The following COL3A1 variants were observed in gnomAD, a reference collection of about 807,000 sequenced individuals.
COL3A1 encodes the protein collagen alpha-1(III) chain.
Under a neutral mutation model 200.9 loss-of-function variants are expected in COL3A1, and 46 were observed. The ratio of observed to expected loss-of-function variants is 0.23; its 90% CI spans 0.18 to 0.29. COL3A1 has a LOEUF of 0.29. Among genes scored for constraint, COL3A1 ranks in the 10% least tolerant of loss-of-function variants. The pLI is 1.00. For synonymous variants in COL3A1, 650 were observed against 628.0 expected (o/e 1.03, Z -0.52); for missense variants, 1,367 against 1,917.6 (o/e 0.71, Z 5.36).
intron 12 of COL3A1, 43 bp from the exon 13 acceptor site, chr2:188,991,626 T>C (rs771704160): frequency 1.9e-6 from 3 of 1,611,772 alleles, no homozygotes; most frequent in Non-Finnish European, 2.5e-6. Context: ...TTCTTACACA[T>C]GTCAAGATTA....
In COL3A1 at chr2:189,001,598, TA is replaced by T; in HGVS notation, c.2391+12del. On this transcript the variant is annotated intron_variant, in intron 34 of 50. Transcript: ENST00000304636. ...GACCTCGTGGTAGCCCTGTAAGTGT[TA>T]AAGACATTCTCAACATACTTTTTAA... 6.2e-7 allele frequency: 1 copy of T among 1,611,558 alleles called. No individual in the cohort carries two copies. The highest frequency in any genetic ancestry group is 8.5e-7 in the Non-Finnish European group (1 of 1,179,930).
intron 49 of COL3A1, 61 bp downstream of exon 49, chr2:189,010,426 T>C (rs894234253): frequency 4.4e-6 from 7 of 1,590,542 alleles, no homozygotes; most frequent in Non-Finnish European, 6.0e-6. Flanking sequence ...ATTCTTCCTA[T>C]ATGTTCATCA....
At chr2:189,010,546 A>G (rs987543803) in intron 49 of COL3A1, 102 bp from the exon 50 acceptor site, 42 of 1,529,196 alleles carry the variant, frequency 2.7e-5, no homozygotes, top group Non-Finnish European at 3.3e-5. Context: ...CATAAAATAT[A>G]TAAACAGCCC....
chr2:188,995,273 A>G (rs1186947943), intron 21 of COL3A1, among the ~76,000 whole-genome samples, 174 bp downstream of exon 21: 1 of 152,244 alleles, frequency 6.6e-6, no homozygotes, highest in East Asian at 1.9e-4. Context: ...TTGTAACTAA[A>G]GCCACTTACT....
At position 188,998,435 on chromosome 2, in the gene COL3A1, T is replaced by A. The variant is rs1190430265; in HGVS notation, c.1977+116T>A. On this transcript the variant is annotated intron_variant, in intron 28 of 50. Transcript: ENST00000304636. ...ATGATATTTGAGATTTAACATTTAG[T>A]TTTGAAATATTATCAAAACAAAGAC... The A allele has an allele frequency of 3.0e-6, 3 of 1,009,954 alleles. No individual in the cohort carries two copies. In the African/African-American group the frequency reaches 4.9e-5, roughly 16 times the overall value. 62.6% of individuals were successfully genotyped at this position (1,009,954 alleles called of 1,614,324 possible). A position where few individuals can be genotyped will look rare whatever the true frequency, so the allele number is the denominator to read the frequency against.
intron 36 of COL3A1, 41 bp downstream of exon 36, chr2:189,003,103 T>C: frequency 7.1e-7 from 1 of 1,407,166 alleles, no homozygotes; most frequent in Non-Finnish European, 9.8e-7. Flanking sequence ...ATCTATCATC[T>C]ATCTATCTAT....
rs747324731 is a variant in COL3A1, at chr2:189,011,673, C to T, written c.4300C>T (p.Arg1434Cys). ...WSKTVFEYRT[R>C]KAVRLPIVDI... ...CAAAACAGTCTTTGAATATCGAACA[C>T]GCAAGGCTGTGAGACTACCTATTGT... is the stretch of plus-strand genomic sequence containing the variant. Residue 1434 changes from arginine (R) to cysteine (C), a missense_variant, in exon 51 of 51, where the codon CGC becomes TGC. Arg to Cys is a radical substitution (Grantham distance 180). Transcript: ENST00000304636. The T allele has an allele frequency of 2.6e-5, 42 of 1,613,850 alleles. No homozygotes were observed. Among genetic ancestry groups the T allele is most frequent in the South Asian group, 1.1e-4 (10 of 91,088 alleles).
At chr2:188,988,198 C>A in intron 6 of COL3A1, 64 bp downstream of exon 6, 3 of 1,399,246 alleles carry the variant, frequency 2.1e-6, no homozygotes, top group South Asian at 2.3e-5. Flanking sequence ...AATATATATT[C>A]TGCTATAATT....
chr2:188,998,262 C>T lies in COL3A1; in HGVS notation c.1924-4C>T, dbSNP rs755814664. 23 of 1,613,186 alleles carry T rather than the reference C, an allele frequency of 1.4e-5. No individual in the cohort carries two copies. The highest frequency in any genetic ancestry group is 1.9e-5 in the Non-Finnish European group (22 of 1,179,330). ...TTACCTAATACAAATATGATTCTTT[C>T]TAGGGCTTGCCTGGTACAGGTGGTC... On this transcript the variant is annotated splice_region_variant and splice_polypyrimidine_tract_variant and intron_variant, in intron 27 of 50. Coordinates refer to ENST00000304636, the MANE Select transcript of COL3A1 (RefSeq NM_000090.4).
intron 8 of COL3A1, 48 bp from the exon 9 acceptor site, chr2:188,990,048 T>C: frequency 6.5e-7 from 1 of 1,549,424 alleles, no homozygotes; most frequent in Non-Finnish European, 8.9e-7. Flanking sequence ...GGCTACAATG[T>C]ATTTTCTCAT....
chr2:188,988,490 G>T, intron 6 of COL3A1, 100 bp from the exon 7 acceptor site: 1 of 831,854 alleles, frequency 1.2e-6, no homozygotes, highest in Non-Finnish European at 2.0e-6. Flanking sequence ...AGTAAAATTT[G>T]CTGATTACAT....
At chr2:188,985,928 T>G (rs1688056710) in intron 4 of COL3A1, 150 bp downstream of exon 4, 1 of 668,694 alleles carries the variant, frequency 1.5e-6, no homozygotes, top group African/African-American at 1.8e-5. Flanking sequence ...AGTGCTTCTA[T>G]GTATTAGGCA....
intron 48 of COL3A1, 133 bp from the exon 49 acceptor site, chr2:189,010,045 T>C: frequency 2.5e-6 from 2 of 808,084 alleles, no homozygotes; most frequent in African/African-American, 1.7e-5. Context: ...TCAAAAAGCT[T>C]CTCTATCATT....
rs1688561573 is a variant in COL3A1 at position 189,005,343 on chromosome 2, T to C, written c.2932-7T>C. 6.2e-7 allele frequency: 1 copy of C among 1,611,040 alleles called. No homozygotes were observed. The highest frequency in any genetic ancestry group is 8.5e-7 in the Non-Finnish European group (1 of 1,177,172). On this transcript the variant is annotated splice_polypyrimidine_tract_variant and splice_region_variant and intron_variant, in intron 40 of 50. Transcript: ENST00000304636. ...AAACAAAATGTTTTTCATTCCTTTGTATACAGGGTGAAAGTGGGAAACCAG... is the reference window on the plus strand; with the variant it reads ...AAACAAAATGTTTTTCATTCCTTTGCATACAGGGTGAAAGTGGGAAACCAG...
In COL3A1 at chr2:188,989,362, C is replaced by A. The variant is rs1428234907; in HGVS notation, c.637-34C>A. 33 of 1,507,062 alleles carry A rather than the reference C, an allele frequency of 2.2e-5. No individual in the cohort carries two copies. In the South Asian group the frequency reaches 2.5e-4, roughly 11 times the overall value. 93.4% of individuals were successfully genotyped at this position (1,507,062 alleles called of 1,614,324 possible). A position where few individuals can be genotyped will look rare whatever the true frequency, so the allele number is the denominator to read the frequency against. On this transcript the variant is annotated intron_variant, in intron 7 of 50. Coordinates refer to ENST00000304636, the MANE Select transcript of COL3A1 (RefSeq NM_000090.4). ...TAATAAATTGTAACAGAAAAATTTA[C>A]AAATCTATTCATTTTTTATTTCCTT...
chr2:188,994,831 G>A lies in COL3A1; in HGVS notation c.1455G>A (p.Arg485=). Residue 485 remains arginine (R), a splice_region_variant and synonymous_variant, in exon 20 of 51, where the codon AGG becomes AGA. Transcript: ENST00000304636. This position sits in a 1 kb window ranked among gnomAD's most constrained non-coding sequence, Gnocchi z 4.5. ...GGCTTCCAGGAGCTGCAGGAGAAAG[G>A]GTACGTTTTCCATGGGGCATCTAAA... ...ANGLPGAAGE[R]GAPGFRGPAG... is the part of the protein sequence containing the mutation. 1 of 1,612,850 alleles carries A rather than the reference G, an allele frequency of 6.2e-7. No individual in the cohort carries two copies. Among genetic ancestry groups the A allele is most frequent in the Non-Finnish European group, 8.5e-7 (1 of 1,179,772 alleles).
At position 188,984,772 on chromosome 2, in the gene COL3A1, G is replaced by T; in HGVS notation, c.92G>T (p.Gly31Val). The change falls in exon 2 of 51, where the codon GGA becomes GTA. Residue 31 changes from glycine to valine, a missense_variant. Physicochemically the swap from Gly to Val is moderately radical, Grantham distance 109 (BLOSUM62 -3). Coordinates refer to ENST00000304636, the MANE Select transcript of COL3A1 (RefSeq NM_000090.4). ...ACTTGTTTTTCAGCTGTTGAAGGAG[G>T]ATGTTCCCATCTTGGTCAGTCCTAT... is the stretch of plus-strand genomic sequence containing the variant. Reference protein sequence around the residue: ...ILAQQEAVEGGCSHLGQSYAD... With the variant: ...ILAQQEAVEGVCSHLGQSYAD... The T allele has an allele frequency of 6.2e-7, 1 of 1,612,962 alleles. No individual in the cohort carries two copies. Among genetic ancestry groups the T allele is most frequent in the Non-Finnish European group, 8.5e-7 (1 of 1,179,230 alleles).
At chr2:189,008,164 T>G (rs755832477) in intron 47 of COL3A1, 22 bp downstream of exon 47, 1 of 1,578,876 alleles carries the variant, frequency 6.3e-7, no homozygotes, top group Non-Finnish European at 8.7e-7. Flanking sequence ...CTTATACGTA[T>G]GTGTATTTAA....
At position 189,010,695 on chromosome 2, in the gene COL3A1, T is replaced by G. The variant is rs1516446; in HGVS notation, c.4059T>G (p.His1353Gln). The G allele has an allele frequency of 1, 1,612,705 of 1,614,158 alleles. 805,640 individuals are homozygous for G. Among genetic ancestry groups the G allele is most frequent in the East Asian group, 1 (44,884 of 44,884 alleles). The change falls in exon 50 of 51, where the codon CAT becomes CAG. Residue 1353 changes from histidine to glutamine, a missense_variant. His to Gln is a conservative substitution (Grantham distance 24, BLOSUM62 0). This residue lies in a region of COL3A1 where 846 missense variants were observed against 1,147.9 expected (regional missense o/e 0.74). Transcript: ENST00000304636. ...TTCCTGAAGATGTCCTTGATGTGCA[T>G]CTGGCATTCCTTCGACTTCTCTCCA... ...PELPEDVLDV[H>Q]LAFLRLLSSR...
Sources: allele counts gnomAD v4.1 joint callset (sites outside exome capture counted in the v4.1 genomes callset), GRCh38; gene constraint gnomAD v4.1.1; regional missense constraint gnomAD v4.1.1; non-coding constraint Gnocchi (gnomAD v3.1); transcripts MANE v1.5; gene names NCBI Gene and HGNC (gene_info 2026-07-23, HGNC 2026-07-21).